Variants in NT5C2 observed in about 807,000 individuals in gnomAD.
The protein encoded by NT5C2 is 5'-nucleotidase, cytosolic II.
A neutral mutation model predicts 76.1 loss-of-function variants in NT5C2; 58 were observed. The ratio of observed to expected loss-of-function variants is 0.76; its 90% CI spans 0.62 to 0.95. NT5C2 has a LOEUF of 0.95. Among genes scored for constraint, NT5C2 ranks in the 40% least tolerant of loss-of-function variants. The pLI, the probability that NT5C2 is intolerant of heterozygous loss-of-function variation, is 0.00. For synonymous variants in NT5C2, 229 were observed against 237.4 expected, an observed-to-expected ratio of 0.96 and a Z score of 0.32; for missense variants, 478 against 690.3, an observed-to-expected ratio of 0.69 and a Z score of 3.45.
chr10:103,096,794 C>T lies in NT5C2; in HGVS notation c.771+497G>A, dbSNP rs554126794. 3.4e-4 allele frequency among the ~76,000 whole-genome samples: 47 copies of T among 138,506 alleles called. No individual in the cohort carries two copies. In the East Asian group the frequency reaches 0.01, roughly 30 times the overall value. The allele number at this position is 138,506 out of a possible 152,430, so 90.9% of individuals were successfully genotyped here. ...CCAGGCGGCAGAGGTTGCAGTGAGC[C>T]GAGATCGCACCACTGCACCCCAGCC... On this transcript the variant is annotated intron_variant, in intron 11 of 18. Transcript: ENST00000404739.
chr10:103,097,435 T>C, intron 10 of NT5C2, 61 bp from the exon 11 acceptor site: 2 of 1,388,614 alleles, frequency 1.4e-6, no homozygotes, highest in Non-Finnish European at 2.0e-6. Flanking sequence ...CACTTTGGAG[T>C]TGTCAAATAC....
intron 10 of NT5C2, 60 bp from the exon 11 acceptor site, chr10:103,097,434 G>A (rs1160174454): frequency 2.2e-6 from 3 of 1,388,816 alleles, no homozygotes; most frequent in Non-Finnish European, 3.1e-6. Context: ...ACACTTTGGA[G>A]TTGTCAAATA....
intron 1 of NT5C2, among the ~76,000 whole-genome samples, chr10:103,188,319 T>G (rs2092293856): frequency 5.3e-5 from 8 of 151,990 alleles, no homozygotes; most frequent in Admixed American, 5.2e-4. Flanking sequence ...GATCACGCCA[T>G]TGCACTCCAG....
At chr10:103,184,028 A>G (rs2042032157) in intron 1 of NT5C2, among the ~76,000 whole-genome samples, 1 of 151,222 alleles carries the variant, frequency 6.6e-6, no homozygotes. Context: ...TCTCGGCTCA[A>G]TGCAACCTCC....
At chr10:103,171,863 A>G (rs891790614) in intron 3 of NT5C2, among the ~76,000 whole-genome samples, 1 of 152,098 alleles carries the variant, frequency 6.6e-6, no homozygotes, top group Admixed American at 6.5e-5. Context: ...ATTTGAGACC[A>G]ACCTGAGCAA....
intron 3 of NT5C2, among the ~76,000 whole-genome samples, chr10:103,156,927 C>T (rs1217946789): frequency 6.6e-6 from 1 of 151,700 alleles, no homozygotes; most frequent in East Asian, 1.9e-4. Flanking sequence ...CGTGGTGGCA[C>T]GTGCCTGTAA....
rs2083504090 is a variant in NT5C2 at position 103,156,796 on chromosome 10, G to A, written c.102-17317C>T. 4.0e-5 allele frequency among the ~76,000 whole-genome samples: 6 copies of A among 151,314 alleles called. No individual in the cohort carries two copies. In the South Asian group the frequency reaches 8.3e-4, roughly 21 times the overall value. On this transcript the variant is annotated intron_variant, in intron 3 of 18. Transcript: ENST00000404739. ...TCAAGGGCCAGGTACAGTGGCTCAC[G>A]CCTGTAATCCCAGCACTTTGGGAGG...
intron 4 of NT5C2, among the ~76,000 whole-genome samples, chr10:103,138,067 A>G (rs1314453557): frequency 1.3e-5 from 2 of 150,166 alleles, no homozygotes; most frequent in African/African-American, 4.9e-5. Context: ...TAAGGACAAA[A>G]CATGCTGATG....
chr10:103,170,171 A>C (rs1236626553), intron 3 of NT5C2, among the ~76,000 whole-genome samples: 1 of 152,056 alleles, frequency 6.6e-6, no homozygotes, highest in Non-Finnish European at 1.5e-5. Context: ...ATTACTGAGC[A>C]CTGTGGTACA....
intron 4 of NT5C2, among the ~76,000 whole-genome samples, chr10:103,133,949 G>C (rs925042485): frequency 1.3e-5 from 2 of 152,184 alleles, no homozygotes; most frequent in Admixed American, 6.5e-5. Context: ...CTACCCTAGA[G>C]ATTTGTGGAA....
At chr10:103,124,116 A>C (rs748336249) in intron 4 of NT5C2, among the ~76,000 whole-genome samples, 5 of 152,218 alleles carry the variant, frequency 3.3e-5, no homozygotes, top group Non-Finnish European at 4.4e-5. Flanking sequence ...GTGCAACTGC[A>C]AACATTAACT....
rs2077369730 is a variant in NT5C2 at position 103,129,128 on chromosome 10, G to A, written c.175+10278C>T. 4.7e-5 allele frequency among the ~76,000 whole-genome samples: 6 copies of A among 128,030 alleles called. 1 individual carries two copies. In the South Asian group the frequency reaches 1.4e-3, roughly 30 times the overall value. 84.0% of individuals were successfully genotyped at this position (128,030 alleles called of 152,430 possible). A position where few individuals can be genotyped will look rare whatever the true frequency, so the allele number is the denominator to read the frequency against. On this transcript the variant is annotated intron_variant, in intron 4 of 18. Coordinates refer to ENST00000404739, the MANE Select transcript of NT5C2 (RefSeq NM_001351169.2). ...CGTGCCGTCCGGGAGGGAGGTGGGGGGTCAGCCCCCCGCCCGGCCAGCCGC... is the reference window on the plus strand; with the variant it reads ...CGTGCCGTCCGGGAGGGAGGTGGGGAGTCAGCCCCCCGCCCGGCCAGCCGC...
intron 11 of NT5C2, 51 bp from the exon 12 acceptor site, chr10:103,096,031 A>G (rs1299036548): frequency 7.6e-7 from 1 of 1,315,608 alleles, no homozygotes. Context: ...TGCAAAAGGT[A>G]TATAACCTAA....
intron 1 of NT5C2, among the ~76,000 whole-genome samples, chr10:103,187,744 CTAGA>C (rs1368903852): frequency 2.6e-5 from 4 of 151,998 alleles, no homozygotes; most frequent in South Asian, 2.1e-4. Context: ...CTCAAACAAA[CTAGA>C]TAGAGATACA....
chr10:103,152,539 T>C (rs911079894), intron 3 of NT5C2, among the ~76,000 whole-genome samples: 1 of 152,176 alleles, frequency 6.6e-6, no homozygotes, highest in African/African-American at 2.4e-5. Flanking sequence ...AGATAATTAA[T>C]AGATTCCAGA....
chr10:103,103,186 C>G (rs1280441492), intron 6 of NT5C2, among the ~76,000 whole-genome samples: 1 of 152,130 alleles, frequency 6.6e-6, no homozygotes, highest in Non-Finnish European at 1.5e-5. Flanking sequence ...TCAGAGTGAC[C>G]TGGATTAATT....
chr10:103,128,080 CCTCTCCCTCTGT>C (rs1458177504), intron 4 of NT5C2, among the ~76,000 whole-genome samples: 1 of 136,498 alleles, frequency 7.3e-6, no homozygotes, highest in Non-Finnish European at 1.6e-5. Flanking sequence ...TCTCCCTCTC[CCTCTCCCTCTGT>C]CTCCCTCTCC....
intron 3 of NT5C2, among the ~76,000 whole-genome samples, chr10:103,143,593 T>C: frequency 7.3e-6 from 1 of 136,814 alleles, no homozygotes; most frequent in Non-Finnish European, 1.5e-5. Flanking sequence ...CGCACCACCA[T>C]GTCCAGCTAT....
At chr10:103,177,506 G>C (rs929303219) in intron 2 of NT5C2, among the ~76,000 whole-genome samples, 1 of 152,114 alleles carries the variant, frequency 6.6e-6, no homozygotes, top group Non-Finnish European at 1.5e-5. Context: ...ATGACATGAA[G>C]TCAATATATA....
Sources: gnomAD v4.1 joint callset for allele counts (sites outside exome capture counted in the v4.1 genomes callset) on GRCh38, gnomAD v4.1.1 for gene constraint, MANE v1.5 for transcripts, NCBI Gene and HGNC (gene_info 2026-07-23, HGNC 2026-07-21) for gene names.